Variants in ASTN2 observed in about 807,000 individuals in gnomAD.
ASTN2 encodes astrotactin-2.
A neutral mutation model predicts 139.8 loss-of-function variants in ASTN2; 54 were observed. The observed-to-expected ratio is 0.39, with a 90% CI of 0.31 to 0.48. ASTN2 has a LOEUF of 0.48. Among genes scored for constraint, ASTN2 ranks in the 20% least tolerant of loss-of-function variants. The pLI, the probability that ASTN2 is intolerant of heterozygous loss-of-function variation, is 0.95. For synonymous variants in ASTN2, 756 were observed against 719.5 expected (o/e 1.05, Z -0.81); for missense variants, 1,565 against 1,725.1 (o/e 0.91, Z 1.64).
intron 7 of ASTN2, among the ~76,000 whole-genome samples, chr9:117,003,530 G>GGTGTGTGTGTGTGTGTGTGTGTGTGT (rs11271769): frequency 0.048 from 4,959 of 103,204 alleles, 622 homozygotes; most frequent in South Asian, 0.07. Flanking sequence ...TCTAAAGAGT[G>GGTGTGTGTGTGTGTGTGTGTGTGTGT]GTGTGTGTGT....
rs1286194923 is a variant in ASTN2 at position 117,253,712 on chromosome 9, G to T, written c.630+37614C>A. ...AGTTGCCGGCAGTCGCTGTCCCTCTGACCAGGCAATATCTGATGGTGTCAA... is the reference window on the plus strand; with the variant it reads ...AGTTGCCGGCAGTCGCTGTCCCTCTTACCAGGCAATATCTGATGGTGTCAA... On this transcript the variant is annotated intron_variant, in intron 2 of 22. Transcript: ENST00000313400. 2.0e-5 allele frequency among the ~76,000 whole-genome samples: 3 copies of T among 152,136 alleles called. No homozygotes were observed. The East Asian group carries it at 5.8e-4, about 29-fold the overall frequency.
At chr9:117,029,805 C>T (rs1159931579) in intron 6 of ASTN2, among the ~76,000 whole-genome samples, 1 of 151,974 alleles carries the variant, frequency 6.6e-6, no homozygotes, top group Non-Finnish European at 1.5e-5. Context: ...GGAGGCCAAC[C>T]CCCCTAATAT....
At chr9:116,891,115 G>A (rs1325656407) in intron 10 of ASTN2, among the ~76,000 whole-genome samples, 1 of 152,154 alleles carries the variant, frequency 6.6e-6, no homozygotes, top group Non-Finnish European at 1.5e-5. Context: ...TATTTTGCTA[G>A]CAGTAGCCAG....
intron 17 of ASTN2, among the ~76,000 whole-genome samples, chr9:116,632,256 A>AGAAAGAAAGAAAGAAG (rs1856838588): frequency 4.3e-4 from 44 of 103,110 alleles, no homozygotes; most frequent in African/African-American, 1.8e-3. Flanking sequence ...AAAGAAGGAA[A>AGAAAGAAAGAAAGAAG]GAAAGAAAGA....
intron 4 of ASTN2, among the ~76,000 whole-genome samples, chr9:117,123,614 C>G (rs932712594): frequency 1.2e-4 from 19 of 152,110 alleles, no homozygotes; most frequent in Non-Finnish European, 1.9e-4. Flanking sequence ...AGAGTACTGG[C>G]TGAATGTAAG....
At chr9:116,763,468 C>T (rs1294898754) in intron 13 of ASTN2, among the ~76,000 whole-genome samples, 1 of 152,136 alleles carries the variant, frequency 6.6e-6, no homozygotes, top group African/African-American at 2.4e-5. Context: ...TCTTCAAATA[C>T]CCAAAACTTC....
At chr9:116,717,708 G>A (rs1828352332) in intron 16 of ASTN2, among the ~76,000 whole-genome samples, 1 of 152,168 alleles carries the variant, frequency 6.6e-6, no homozygotes, top group African/African-American at 2.4e-5. Flanking sequence ...AATCAGAAAA[G>A]CCAGGTTTAT....
At chr9:116,724,868 A>G (rs1195084898) in intron 16 of ASTN2, among the ~76,000 whole-genome samples, 1 of 152,184 alleles carries the variant, frequency 6.6e-6, no homozygotes, top group African/African-American at 2.4e-5. Context: ...AAAGAGGGAA[A>G]GAACATGGGC....
At chr9:116,964,310 G>C (rs550110062) in intron 10 of ASTN2, among the ~76,000 whole-genome samples, 83 of 151,984 alleles carry the variant, frequency 5.5e-4, no homozygotes, top group African/African-American at 2.0e-3. Flanking sequence ...ATTGGGCAGA[G>C]TAAGATACGC....
chr9:117,400,305 A>G (rs1830789248), intron 1 of ASTN2, among the ~76,000 whole-genome samples: 1 of 152,220 alleles, frequency 6.6e-6, no homozygotes, highest in South Asian at 2.1e-4. Context: ...CTAGCTCTGT[A>G]GCTGCCCTTT....
At chr9:116,800,982 AGG>A (rs960645798) in intron 13 of ASTN2, among the ~76,000 whole-genome samples, 3 of 152,138 alleles carry the variant, frequency 2.0e-5, no homozygotes, top group African/African-American at 7.2e-5. Context: ...AGGCAGGGGC[AGG>A]GAGGAGTACA....
intron 3 of ASTN2, among the ~76,000 whole-genome samples, chr9:117,174,120 T>C (rs987744885): frequency 8.6e-5 from 12 of 139,750 alleles, no homozygotes; most frequent in African/African-American, 3.2e-4. Flanking sequence ...GCTAGCTAGC[T>C]AACTAGATAG....
At chr9:117,147,112 G>A (rs1427655017) in intron 3 of ASTN2, among the ~76,000 whole-genome samples, 1 of 152,122 alleles carries the variant, frequency 6.6e-6, no homozygotes, top group Non-Finnish European at 1.5e-5. Context: ...AGGCATAAGT[G>A]TTGTATGGGT....
intron 1 of ASTN2, among the ~76,000 whole-genome samples, chr9:117,375,854 A>T (rs1221539170): frequency 1.3e-5 from 2 of 152,040 alleles, no homozygotes. Flanking sequence ...GCTCTTGGGG[A>T]TAGCCCCTTT....
chr9:116,997,801 TAC>T (rs1837068034), intron 7 of ASTN2, among the ~76,000 whole-genome samples: 1 of 152,240 alleles, frequency 6.6e-6, no homozygotes, highest in Non-Finnish European at 1.5e-5. Context: ...TGGTGTTTGG[TAC>T]ACAATAAGTG....
At chr9:116,789,242 G>T (rs1245265543) in intron 13 of ASTN2, among the ~76,000 whole-genome samples, 1 of 152,170 alleles carries the variant, frequency 6.6e-6, no homozygotes, top group African/African-American at 2.4e-5. Flanking sequence ...GCAGCCTCAA[G>T]GTCACTGGGA....
At chr9:117,310,741 C>T (rs1214897868) in intron 1 of ASTN2, among the ~76,000 whole-genome samples, 1 of 152,050 alleles carries the variant, frequency 6.6e-6, no homozygotes, top group Non-Finnish European at 1.5e-5. Flanking sequence ...AAACAATCCT[C>T]GCACCTCAGC....
At chr9:116,833,511 A>C (rs1831883548) in intron 11 of ASTN2, among the ~76,000 whole-genome samples, 1 of 149,494 alleles carries the variant, frequency 6.7e-6, no homozygotes, top group African/African-American at 2.5e-5. Context: ...TAATGTATGC[A>C]TTTAGGGCTA....
At chr9:117,165,808 C>T (rs889659596) in intron 3 of ASTN2, among the ~76,000 whole-genome samples, 1 of 152,070 alleles carries the variant, frequency 6.6e-6, no homozygotes, top group African/African-American at 2.4e-5. Context: ...ATAATACCAC[C>T]TCCCTATAAA....
Sources: gnomAD v4.1 joint callset for allele counts (sites outside exome capture counted in the v4.1 genomes callset) on GRCh38, gnomAD v4.1.1 for gene constraint, MANE v1.5 for transcripts, NCBI Gene and HGNC (gene_info 2026-07-23, HGNC 2026-07-21) for gene names.